HGS: variants seen among roughly 807,000 people sequenced by gnomAD.
The protein encoded by HGS is human growth factor-regulated tyrosine kinase substrate.
A neutral mutation model predicts 109.7 loss-of-function variants in HGS; 63 were observed. The ratio of observed to expected loss-of-function variants is 0.57; its 90% confidence interval spans 0.47 to 0.71. The LOEUF is 0.71. Ranked by LOEUF, HGS falls within the 30% of genes least tolerant of loss-of-function variation. The probability of loss-of-function intolerance (pLI) is 0.00; values close to 1 mark genes in which losing one functional copy is unlikely to be tolerated. For synonymous variants in HGS, 546 were observed against 437.3 expected, an observed-to-expected ratio of 1.25 and a Z score of -3.10; for missense variants, 995 against 1,068.3, an observed-to-expected ratio of 0.93 and a Z score of 0.96.
At position 81,701,609 on chromosome 17, in the gene HGS, A is replaced by G; in HGVS notation, c.2325A>G (p.Ser775=). 2.6e-6 allele frequency: 4 copies of G among 1,565,326 alleles called. No individual in the cohort carries two copies. The highest frequency in any genetic ancestry group is 3.4e-6 in the Non-Finnish European group (4 of 1,162,258). Residue 775 remains serine, a synonymous_variant, in exon 22 of 22, where the codon TCA becomes TCG. Transcript: ENST00000329138. ...AGGGCAGCGAGGCCCAGCTCATTTC[A>G]TTCGACTGACCCAGGCCATGCTCAC... ...PAQGSEAQLI[S]FD is the part of the protein sequence containing the mutation.
In HGS at chr17:81,700,658, C is replaced by T. The variant is rs772199473; in HGVS notation, c.2017-37C>T. 2.2e-5 allele frequency: 35 copies of T among 1,595,430 alleles called. No individual in the cohort carries two copies. In the Admixed American group the frequency reaches 2.4e-4, roughly 11 times the overall value. On this transcript the variant is annotated intron_variant, in intron 19 of 21. Coordinates refer to ENST00000329138, the MANE Select transcript of HGS (RefSeq NM_004712.5). ...GCCAGCCCCAGCCCCAGCCCCAGCC[C>T]CAGCCCCTTCTCCCATGGCACTCAT...
chr17:81,695,872 C>T lies in HGS; in HGVS notation c.1266C>T (p.Arg422=), dbSNP rs750250908. The T allele has an allele frequency of 6.2e-7, 1 of 1,613,474 alleles. No homozygotes were observed. ...LQNAVTTFVN[R]MKSNHMRGRS... ...ACGCCGTCACCACCTTCGTGAACCG[C>T]ATGAAGAGTAACCACATGCGGGGCC... The change falls in exon 15 of 22, where the codon CGC becomes CGT. Residue 422 remains arginine (R), a synonymous_variant. Coordinates refer to ENST00000329138, the MANE Select transcript of HGS (RefSeq NM_004712.5).
At chr17:81,693,618 C>G (rs1224858348) in intron 9 of HGS, 36 bp from the exon 10 acceptor site, 3 of 1,538,206 alleles carry the variant, frequency 2.0e-6, no homozygotes, top group African/African-American at 1.4e-5. Context: ...CACCTCTTCC[C>G]CGGCGCCCCC....
intron 1 of HGS, among the ~76,000 whole-genome samples, chr17:81,684,746 C>G (rs1279164630): frequency 6.6e-6 from 1 of 152,144 alleles, no homozygotes; most frequent in African/African-American, 2.4e-5. Context: ...GAAAATGCGT[C>G]TAATGTTTGG....
At chr17:81,699,478 T>C (rs7406945) in intron 18 of HGS, among the ~76,000 whole-genome samples, 20,488 of 152,250 alleles carry the variant, frequency 0.13, 1,821 homozygotes, top group Admixed American at 0.26. Context: ...CAGGCTGGAG[T>C]GCAGTGGTGC....
At chr17:81,700,234 T>C (rs559820027) in intron 18 of HGS, among the ~76,000 whole-genome samples, 1 of 151,520 alleles carries the variant, frequency 6.6e-6, no homozygotes, top group South Asian at 2.1e-4. Flanking sequence ...CCGGGCGTAG[T>C]GGCGTACGCC....
rs1568214491 is a variant in HGS, at chr17:81,691,088, A to C, written c.537+346A>C. 1 of 445,670 alleles carries C rather than the reference A, an allele frequency of 2.2e-6. No homozygotes were observed. Among genetic ancestry groups the C allele is most frequent in the Non-Finnish European group, 4.1e-6 (1 of 245,260 alleles). The allele number at this position is 445,670 out of a possible 1,614,324, so 27.6% of individuals were successfully genotyped here. On this transcript the variant is annotated intron_variant, in intron 7 of 21. Transcript: ENST00000329138. This position sits in a 1 kb window ranked among gnomAD's most constrained non-coding sequence, Gnocchi z 5.3. Reference sequence around the variant, plus strand: ...ATTCTTACCCTCGAGGCATCTTCACATCAAAACCCCCTCCAGGCTGGCAAC... The same window carrying C: ...ATTCTTACCCTCGAGGCATCTTCACCTCAAAACCCCCTCCAGGCTGGCAAC...
At position 81,696,352 on chromosome 17, in the gene HGS, C is replaced by T. The variant is rs1265302391; in HGVS notation, c.1394-5C>T. The T allele has an allele frequency of 1.3e-6, 2 of 1,570,008 alleles. No individual in the cohort carries two copies. Among genetic ancestry groups the T allele is most frequent in the East Asian group, 2.3e-5 (1 of 43,962 alleles). ...GGTCAGGGTTGCTCTGTCATCTGCCCACAGTGTACTATGAGGGGCTGCAGG... is the reference window on the plus strand; with the variant it reads ...GGTCAGGGTTGCTCTGTCATCTGCCTACAGTGTACTATGAGGGGCTGCAGG... On this transcript the variant is annotated splice_region_variant and splice_polypyrimidine_tract_variant and intron_variant, in intron 15 of 21. Coordinates refer to ENST00000329138, the MANE Select transcript of HGS (RefSeq NM_004712.5).
At position 81,696,383 on chromosome 17, in the gene HGS, C is replaced by A. The variant is rs1308763439; in HGVS notation, c.1420C>A (p.Leu474Met). The change falls in exon 16 of 22, where the codon CTG becomes ATG. Residue 474 changes from leucine (L) to methionine (M), a missense_variant. This residue lies in a region of HGS where 163 missense variants were observed against 217.8 expected (regional missense o/e 0.75). Coordinates refer to ENST00000329138, the MANE Select transcript of HGS (RefSeq NM_004712.5). The part of the protein sequence containing the change: ...RLYYEGLQDK[L>M]AQIRDARGAL... ...GTACTATGAGGGGCTGCAGGACAAG[C>A]TGGCACAGATCCGCGATGCCCGGGG... 2 of 1,589,000 alleles carry A rather than the reference C, an allele frequency of 1.3e-6. No individual in the cohort carries two copies. The highest frequency in any genetic ancestry group is 1.7e-6 in the Non-Finnish European group (2 of 1,170,204).
intron 4 of HGS, among the ~76,000 whole-genome samples, chr17:81,688,171 C>T (rs1178887891): frequency 3.3e-5 from 5 of 151,582 alleles, no homozygotes; most frequent in Admixed American, 1.3e-4. Context: ...ACGGCGTCCC[C>T]GAGAGGGCCG....
chr17:81,699,326 TATCCC>T (rs2037198613), intron 18 of HGS, among the ~76,000 whole-genome samples: 1 of 152,254 alleles, frequency 6.6e-6, no homozygotes, highest in South Asian at 2.1e-4. Context: ...TGGAATTCAC[TATCCC>T]ATCCCATTGG....
chr17:81,694,969 G>A lies in HGS; in HGVS notation c.1021G>A (p.Glu341Lys). Residue 341 changes from glutamate to lysine, a missense_variant, in exon 13 of 22, where the codon GAG becomes AAG. By Grantham distance (56) the Glu-to-Lys change is moderately conservative (BLOSUM62 1). Transcript: ENST00000329138. ...NRNYWEKKQEEARKSPTPSAP... is the reference protein window; with the variant it reads ...NRNYWEKKQEKARKSPTPSAP... The stretch of plus-strand genomic sequence containing the variant: ...GAACTACTGGGAGAAGAAGCAGGAG[G>A]AGGCTCGCAAGAGCCCCACGCCATC... 6.2e-7 allele frequency: 1 copy of A among 1,614,174 alleles called. No individual in the cohort carries two copies. The highest frequency in any genetic ancestry group is 8.5e-7 in the Non-Finnish European group (1 of 1,180,034).
intron 18 of HGS, among the ~76,000 whole-genome samples, chr17:81,698,694 A>G (rs2037190363): frequency 6.6e-6 from 1 of 152,208 alleles, no homozygotes; most frequent in Non-Finnish European, 1.5e-5. Context: ...ACAGAGCTGG[A>G]AAGTGTGTAT....
chr17:81,701,460 G>C (rs915607870), intron 21 of HGS, 48 bp from the exon 22 acceptor site: 2 of 1,512,672 alleles, frequency 1.3e-6, no homozygotes, highest in Admixed American at 4.0e-5. Flanking sequence ...TTCCTCCCTG[G>C]GCTGGGGAAG....
At chr17:81,687,536 G>A (rs1434385556) in intron 4 of HGS, among the ~76,000 whole-genome samples, 1 of 152,204 alleles carries the variant, frequency 6.6e-6, no homozygotes, top group Non-Finnish European at 1.5e-5. Flanking sequence ...GCGGGGGCTT[G>A]TAAGATCGGA....
intron 18 of HGS, among the ~76,000 whole-genome samples, chr17:81,698,766 T>C (rs902352385): frequency 2.0e-5 from 3 of 152,170 alleles, no homozygotes; most frequent in Admixed American, 6.5e-5. Context: ...CGTCTTTGTA[T>C]ATGATAAAAA....
chr17:81,691,004 C>T lies in HGS; in HGVS notation c.537+262C>T, dbSNP rs1415819031. ...CTAGGGCTACAGGCCTTGCCACAGT[C>T]ACTCTGCTGCTTGCCAGGGCCGTGG... is the stretch of plus-strand genomic sequence containing the variant. On this transcript the variant is annotated intron_variant, in intron 7 of 21. Transcript: ENST00000329138. This position sits in a 1 kb window ranked among gnomAD's most constrained non-coding sequence, Gnocchi z 5.3. 6.6e-6 allele frequency among the ~76,000 whole-genome samples: 1 copy of T among 152,230 alleles called. No homozygotes were observed. The highest frequency in any genetic ancestry group is 2.4e-5 in the African/African-American group (1 of 41,460).
In HGS at chr17:81,701,145, G is replaced by A. The variant is rs200868821; in HGVS notation, c.2223+14G>A. 7.8e-5 allele frequency: 125 copies of A among 1,610,500 alleles called. No homozygotes were observed. The highest frequency in any genetic ancestry group is 9.9e-5 in the Non-Finnish European group (117 of 1,177,156). On this transcript the variant is annotated intron_variant, in intron 21 of 21. Coordinates refer to ENST00000329138, the MANE Select transcript of HGS (RefSeq NM_004712.5). ...ATGTACCAGCAGGTGAGCCATTCCC[G>A]GGGCCTCACAGCGGCACCCGCAGGG...
At position 81,696,452 on chromosome 17, in the gene HGS, CG is replaced by C; in HGVS notation, c.1492del (p.Ala498GlnfsTer19). Reference protein sequence around the residue: ...LREEHREKLRRAAEEAERQRQ... With the variant: ...LREEHREKLRXAAEEAERQRQ... ...CGAAGAGCACCGGGAGAAGCTTCGCCGGGCAGCCGAGGAGGCAGAGCGCCAG... is the reference window on the plus strand; with the variant it reads ...CGAAGAGCACCGGGAGAAGCTTCGCCGGCAGCCGAGGAGGCAGAGCGCCAG... On this transcript the variant is annotated frameshift_variant, in exon 16 of 22. Coordinates refer to ENST00000329138, the MANE Select transcript of HGS (RefSeq NM_004712.5). LOFTEE classifies it high-confidence loss of function. 2 of 1,545,180 alleles carry C rather than the reference CG, an allele frequency of 1.3e-6. No individual in the cohort carries two copies. Among genetic ancestry groups the C allele is most frequent in the Non-Finnish European group, 1.7e-6 (2 of 1,147,350 alleles).
Sources: allele counts gnomAD v4.1 joint callset (sites outside exome capture counted in the v4.1 genomes callset), GRCh38; gene constraint gnomAD v4.1.1; regional missense constraint gnomAD v4.1.1; non-coding constraint Gnocchi (gnomAD v3.1); transcripts MANE v1.5; gene names NCBI Gene and HGNC (gene_info 2026-07-23, HGNC 2026-07-21).